The following SOX5 variants were observed in gnomAD, a reference collection of about 807,000 sequenced individuals.
SOX5 encodes transcription factor SOX-5.
A neutral mutation model predicts 92.0 loss-of-function variants in SOX5; 9 were observed. That is an observed-to-expected ratio of 0.10 (90% CI 0.06 to 0.17). The LOEUF is 0.17. SOX5 is among the 10% of genes least tolerant of loss of function. The pLI is 1.00. For missense variants in SOX5, 642 were observed against 944.5 expected, an observed-to-expected ratio of 0.68 and a Z score of 4.20; for synonymous variants, 344 against 336.3, an observed-to-expected ratio of 1.02 and a Z score of -0.25.
chr12:24,251,031 A>C (rs943634540), intron 3 of SOX5, among the ~76,000 whole-genome samples: 1 of 152,228 alleles, frequency 6.6e-6, no homozygotes, highest in African/African-American at 2.4e-5. Flanking sequence ...CCAACATCCA[A>C]GACTAAATTT....
intron 4 of SOX5, among the ~76,000 whole-genome samples, chr12:24,108,453 T>A (rs1442933672): frequency 6.6e-6 from 1 of 152,172 alleles, no homozygotes; most frequent in Non-Finnish European, 1.5e-5. Context: ...CTTTTCTGAA[T>A]GATGTGATTT....
rs532810949 is a variant in SOX5 at position 24,287,010 on chromosome 12, A to C, written c.-173-9698T>G. The stretch of plus-strand genomic sequence containing the variant: ...CAGAGGTCTGGGAATAGAATTTTTG[A>C]ACTAAACTAGATATTGGGTCATGTA... On this transcript the variant is annotated intron_variant, in intron 2 of 4. Coordinates refer to the SOX5 transcript ENST00000446891. 7.2e-5 allele frequency among the ~76,000 whole-genome samples: 11 copies of C among 152,304 alleles called. No homozygotes were observed. The South Asian group carries it at 2.3e-3, about 32-fold the overall frequency.
intron 6 of SOX5, among the ~76,000 whole-genome samples, chr12:23,689,817 G>A (rs564353187): frequency 1.1e-4 from 16 of 152,188 alleles, no homozygotes; most frequent in Middle Eastern, 3.4e-3. Context: ...CCTAGAGTCC[G>A]GTGAATAAAT....
At position 23,796,774 on chromosome 12, in the gene SOX5, GTATT is replaced by G. The variant is rs879820773; in HGVS notation, c.482-41054_482-41051del. Among the ~76,000 whole-genome samples, 15 of 151,112 alleles carry G rather than the reference GTATT, an allele frequency of 9.9e-5. No homozygotes were observed. The Middle Eastern group carries it at 0.014, about 138-fold the overall frequency. ...ATAGTGATTTCCATTCTAATATAGT[GTATT>G]TACTCATTCTTATATAGTGGTGCGT... On this transcript the variant is annotated intron_variant, in intron 3 of 14. Transcript: ENST00000451604.
intron 7 of SOX5, among the ~76,000 whole-genome samples, chr12:23,659,844 G>A (rs941467782): frequency 2.0e-5 from 3 of 152,138 alleles, no homozygotes; most frequent in African/African-American, 4.8e-5. Flanking sequence ...GTGCATGCCT[G>A]TAGTCCCAGC....
At chr12:23,720,280 C>T (rs1158432588) in intron 6 of SOX5, among the ~76,000 whole-genome samples, 1 of 152,048 alleles carries the variant, frequency 6.6e-6, no homozygotes, top group Non-Finnish European at 1.5e-5. Context: ...TGTGAATGAG[C>T]AGTATTTTAC....
chr12:23,965,640 A>G (rs1947469157), intron 4 of SOX5, among the ~76,000 whole-genome samples: 1 of 152,114 alleles, frequency 6.6e-6, no homozygotes, highest in Admixed American at 6.5e-5. Context: ...TGTTTTTGAG[A>G]TGGAGTCTTG....
chr12:23,880,234 C>T (rs547372355), intron 2 of SOX5, among the ~76,000 whole-genome samples: 3 of 152,262 alleles, frequency 2.0e-5, no homozygotes, highest in African/African-American at 7.2e-5. Flanking sequence ...TCCTTCAACC[C>T]TTAAAGTGAT....
chr12:24,421,362 TG>T (rs553793062), intron 1 of SOX5, among the ~76,000 whole-genome samples: 93 of 152,308 alleles, frequency 6.1e-4, no homozygotes, highest in African/African-American at 2.1e-3. Context: ...AAAAGTAGGA[TG>T]GTATGTTACA....
intron 2 of SOX5, among the ~76,000 whole-genome samples, chr12:24,309,490 G>T (rs1948961523): frequency 6.6e-6 from 1 of 151,748 alleles, no homozygotes; most frequent in Admixed American, 6.6e-5. Flanking sequence ...AACTAGTTAC[G>T]CTCTTATTTA....
At chr12:24,169,771 T>G (rs990111223) in intron 4 of SOX5, among the ~76,000 whole-genome samples, 3 of 152,184 alleles carry the variant, frequency 2.0e-5, no homozygotes, top group Non-Finnish European at 4.4e-5. Context: ...CTCAAAGATA[T>G]CAGGGGTCTT....
chr12:23,847,072 T>C (rs2096583518), intron 2 of SOX5, among the ~76,000 whole-genome samples: 1 of 152,150 alleles, frequency 6.6e-6, no homozygotes, highest in Non-Finnish European at 1.5e-5. Flanking sequence ...GAATATTTTG[T>C]ATAAAACATA....
At chr12:23,576,733 CATATAAGA>C (rs141626668) in intron 9 of SOX5, among the ~76,000 whole-genome samples, 10 of 152,076 alleles carry the variant, frequency 6.6e-5, no homozygotes, top group Non-Finnish European at 1.3e-4. Context: ...TATATTACAT[CATATAAGA>C]ATATAAGAAT....
intron 6 of SOX5, among the ~76,000 whole-genome samples, chr12:23,687,686 C>T (rs910544908): frequency 1.3e-5 from 2 of 151,964 alleles, no homozygotes; most frequent in African/African-American, 4.8e-5. Context: ...CAATGGAGAG[C>T]TTATATGATT....
chr12:23,963,141 T>C (rs1947145953), intron 4 of SOX5, among the ~76,000 whole-genome samples: 2 of 152,178 alleles, frequency 1.3e-5, no homozygotes, highest in African/African-American at 4.8e-5. Context: ...CACGATTTCA[T>C]AAAAGAATAC....
chr12:24,388,369 G>C (rs1385409388), intron 1 of SOX5, among the ~76,000 whole-genome samples: 1 of 152,098 alleles, frequency 6.6e-6, no homozygotes, highest in Non-Finnish European at 1.5e-5. Context: ...TTTGAAAATG[G>C]GAGGCATCAG....
chr12:24,282,496 G>A (rs1945328414), intron 2 of SOX5, among the ~76,000 whole-genome samples: 1 of 150,166 alleles, frequency 6.7e-6, no homozygotes, highest in African/African-American at 2.5e-5. Flanking sequence ...ATAATGTCAG[G>A]CACAAGAAGC....
At chr12:24,047,605 G>C (rs1290459800) in intron 4 of SOX5, among the ~76,000 whole-genome samples, 3 of 152,088 alleles carry the variant, frequency 2.0e-5, no homozygotes, top group Non-Finnish European at 4.4e-5. Flanking sequence ...TGGCACTAGT[G>C]GGCATTACCA....
chr12:24,024,560 G>T (rs1954665488), intron 4 of SOX5, among the ~76,000 whole-genome samples: 1 of 152,004 alleles, frequency 6.6e-6, no homozygotes, highest in African/African-American at 2.4e-5. Flanking sequence ...TTAGGCATTT[G>T]CTCAAGATGA....
Sources: gnomAD v4.1 joint callset for allele counts (sites outside exome capture counted in the v4.1 genomes callset) on GRCh38, gnomAD v4.1.1 for gene constraint, MANE v1.5 for transcripts, NCBI Gene and HGNC (gene_info 2026-07-23, HGNC 2026-07-21) for gene names.